ZFYVE1: variants seen among roughly 807,000 people sequenced by gnomAD.
ZFYVE1 encodes the protein zinc finger FYVE-type containing 1.
ZFYVE1 carries 30 observed loss-of-function variants against 74.4 expected under a neutral mutation model. The observed-to-expected ratio is 0.40, with a 90% CI of 0.30 to 0.55. The LOEUF is 0.55. Among genes scored for constraint, ZFYVE1 ranks in the 20% least tolerant of loss-of-function variants. ZFYVE1 has a pLI of 0.42. For synonymous variants in ZFYVE1, 335 were observed against 385.1 expected, an observed-to-expected ratio of 0.87 and a Z score of 1.52; for missense variants, 703 against 1,011.6, an observed-to-expected ratio of 0.69 and a Z score of 4.14.
rs1892980528 is a variant in ZFYVE1 at position 72,969,736 on chromosome 14, T to C, written c.*1146A>G. 1.4e-6 allele frequency: 1 copy of C among 702,194 alleles called. No homozygotes were observed. The highest frequency in any genetic ancestry group is 2.6e-6 in the Non-Finnish European group (1 of 384,826). 43.5% of individuals were successfully genotyped at this position (702,194 alleles called of 1,614,324 possible). On this transcript the variant is annotated 3_prime_UTR_variant, in exon 12 of 12. Transcript: ENST00000556143. ...CAGCACAACGGGCCCTTTCCAGTCA[T>C]GACAGACAGAGATGTCCAGGCTCTT...
intron 2 of ZFYVE1, among the ~76,000 whole-genome samples, chr14:73,018,229 A>C (rs982950627): frequency 6.6e-6 from 1 of 151,724 alleles, no homozygotes; most frequent in Non-Finnish European, 1.5e-5. Flanking sequence ...TCTGGAGTCC[A>C]AGACTAGCCT....
intron 4 of ZFYVE1, among the ~76,000 whole-genome samples, chr14:72,989,054 A>G (rs1215100364): frequency 6.6e-6 from 1 of 151,286 alleles, no homozygotes; most frequent in East Asian, 1.9e-4. Context: ...CAGCATCCCA[A>G]GTAGCTGGGA....
chr14:72,975,017 G>A lies in ZFYVE1; in HGVS notation c.1807-58C>T. Reference sequence around the variant, plus strand: ...GGTAGGTATGGTACATGTCTGCTCAGCTGAGAAAGTCAACAAGACCCCGGA... The same window carrying A: ...GGTAGGTATGGTACATGTCTGCTCAACTGAGAAAGTCAACAAGACCCCGGA... On this transcript the variant is annotated intron_variant, in intron 9 of 11. Coordinates refer to ENST00000556143, the MANE Select transcript of ZFYVE1 (RefSeq NM_021260.4). This position sits in a 1 kb window ranked among gnomAD's most constrained non-coding sequence, Gnocchi z 4.1. 1 of 1,522,828 alleles carries A rather than the reference G, an allele frequency of 6.6e-7. No individual in the cohort carries two copies. The highest frequency in any genetic ancestry group is 8.9e-7 in the Non-Finnish European group (1 of 1,126,716). 94.3% of individuals were successfully genotyped at this position (1,522,828 alleles called of 1,614,324 possible). A position where few individuals can be genotyped will look rare whatever the true frequency, so the allele number is the denominator to read the frequency against.
chr14:72,984,164 T>G (rs1490593996), intron 4 of ZFYVE1, among the ~76,000 whole-genome samples: 1 of 151,698 alleles, frequency 6.6e-6, no homozygotes, highest in East Asian at 1.9e-4. Flanking sequence ...AACCCTGGAC[T>G]TCAAACAACA....
chr14:72,978,345 C>T, intron 6 of ZFYVE1, 111 bp from the exon 7 acceptor site: 1 of 964,986 alleles, frequency 1.0e-6, no homozygotes, highest in South Asian at 1.5e-5. Flanking sequence ...CTCAAGCAAT[C>T]TGCCCGATCT....
intron 8 of ZFYVE1, among the ~76,000 whole-genome samples, chr14:72,976,239 C>G (rs1287344823): frequency 6.6e-6 from 1 of 152,194 alleles, no homozygotes; most frequent in African/African-American, 2.4e-5. Flanking sequence ...AGCAAACAAA[C>G]AGCAGGGAAG....
At chr14:72,980,690 C>A (rs1356201190) in intron 5 of ZFYVE1, among the ~76,000 whole-genome samples, 1 of 152,126 alleles carries the variant, frequency 6.6e-6, no homozygotes, top group Non-Finnish European at 1.5e-5. Context: ...GCCTCAGCCT[C>A]CCGAGTAGCT....
chr14:73,008,495 A>C (rs891183588), intron 2 of ZFYVE1, among the ~76,000 whole-genome samples: 1 of 152,170 alleles, frequency 6.6e-6, no homozygotes, highest in Non-Finnish European at 1.5e-5. Context: ...GTCCACAAAA[A>C]TTCTTTTTTT....
intron 2 of ZFYVE1, among the ~76,000 whole-genome samples, chr14:73,002,984 CG>C (rs1893904937): frequency 6.6e-6 from 1 of 151,012 alleles, no homozygotes; most frequent in Non-Finnish European, 1.5e-5. Flanking sequence ...CCTCGTGATC[CG>C]CCCGCCTCGG....
At chr14:73,023,209 TATATA>T (rs1894358411) in intron 2 of ZFYVE1, among the ~76,000 whole-genome samples, 2 of 137,622 alleles carry the variant, frequency 1.5e-5, no homozygotes, top group Non-Finnish European at 3.1e-5. Flanking sequence ...ATATGTTTTA[TATATA>T]ATATATATTT....
chr14:73,000,425 G>T (rs187062024), intron 2 of ZFYVE1, among the ~76,000 whole-genome samples: 1 of 151,970 alleles, frequency 6.6e-6, no homozygotes, highest in South Asian at 2.1e-4. Flanking sequence ...AACATGGTGC[G>T]ACCTCTGTCT....
chr14:73,012,245 T>C lies in ZFYVE1; in HGVS notation c.483+11781A>G, dbSNP rs528383357. Among the ~76,000 whole-genome samples, 18 of 151,988 alleles carry C rather than the reference T, an allele frequency of 1.2e-4. No homozygotes were observed. In the South Asian group the frequency reaches 3.1e-3, roughly 26 times the overall value. On this transcript the variant is annotated intron_variant, in intron 2 of 11. Transcript: ENST00000556143. Reference sequence around the variant, plus strand: ...ATGTAGGTAACAGTTAACTGAGACATAAGGAAAAAAATTATAGTGCACCCA... The same window carrying C: ...ATGTAGGTAACAGTTAACTGAGACACAAGGAAAAAAATTATAGTGCACCCA...
chr14:73,006,983 G>A (rs1175580436), intron 2 of ZFYVE1, among the ~76,000 whole-genome samples: 1 of 152,040 alleles, frequency 6.6e-6, no homozygotes, highest in Non-Finnish European at 1.5e-5. Context: ...AAAGTGCTGG[G>A]ATTACAGGGA....
intron 2 of ZFYVE1, among the ~76,000 whole-genome samples, chr14:73,006,007 C>T (rs1893970303): frequency 6.6e-6 from 1 of 151,936 alleles, no homozygotes; most frequent in South Asian, 2.1e-4. Flanking sequence ...CTGCAAGTTC[C>T]GCCTCCCCGG....
chr14:72,985,656 T>C (rs1893456835), intron 4 of ZFYVE1, among the ~76,000 whole-genome samples: 1 of 147,334 alleles, frequency 6.8e-6, no homozygotes, highest in African/African-American at 2.5e-5. Context: ...TCTAATGAGA[T>C]GATACAGAAA....
chr14:72,983,265 G>A (rs1449039655), intron 4 of ZFYVE1, among the ~76,000 whole-genome samples: 1 of 150,500 alleles, frequency 6.6e-6, no homozygotes, highest in Admixed American at 6.6e-5. Context: ...TGTTACATAC[G>A]TATACATGTG....
intron 11 of ZFYVE1, 115 bp from the exon 12 acceptor site, chr14:72,971,229 C>T (rs1355659292): frequency 1.6e-5 from 17 of 1,048,694 alleles, no homozygotes; most frequent in African/African-American, 3.2e-5. Flanking sequence ...CACAGAATTG[C>T]TGACAGAGCT....
chr14:73,015,404 G>GGAGGGGAAGGAA, intron 2 of ZFYVE1, among the ~76,000 whole-genome samples: 1 of 334 alleles, frequency 3.0e-3, no homozygotes. Flanking sequence ...GGGGAAGGAA[G>GGAGGGGAAGGAA]GGGGGGGAAG....
At chr14:72,977,066 C>T (rs775199237) in intron 8 of ZFYVE1, among the ~76,000 whole-genome samples, 1 of 152,164 alleles carries the variant, frequency 6.6e-6, no homozygotes, top group Non-Finnish European at 1.5e-5. Context: ...GATATCACTG[C>T]CTCACAAACA....
Sources: allele counts gnomAD v4.1 joint callset (sites outside exome capture counted in the v4.1 genomes callset), GRCh38; gene constraint gnomAD v4.1.1; non-coding constraint Gnocchi (gnomAD v3.1); transcripts MANE v1.5; gene names NCBI Gene and HGNC (gene_info 2026-07-23, HGNC 2026-07-21).